The following CTNNA3 variants were observed in gnomAD, a reference collection of about 807,000 sequenced individuals.
CTNNA3 encodes catenin alpha-3.
In CTNNA3, 76 loss-of-function variants were observed where a neutral mutation model predicts 95.7. The ratio of observed to expected loss-of-function variants is 0.79; its 90% CI spans 0.66 to 0.96. The LOEUF (loss-of-function observed/expected upper bound fraction) is 0.96, where lower values mean the gene tolerates loss of function less well. Ranked by LOEUF, CTNNA3 falls within the 40% of genes least tolerant of loss-of-function variation. The pLI is 0.00. For synonymous variants in CTNNA3, 431 were observed against 374.4 expected, an observed-to-expected ratio of 1.15 and a Z score of -1.74; for missense variants, 1,191 against 1,089.8, an observed-to-expected ratio of 1.09 and a Z score of -1.31.
intron 1 of CTNNA3, among the ~76,000 whole-genome samples, chr10:67,671,529 T>G (rs867997456): frequency 2.1e-5 from 3 of 144,832 alleles, no homozygotes; most frequent in Middle Eastern, 3.2e-3. Context: ...CCCACAACAG[T>G]CCCTGAAGTG....
intron 10 of CTNNA3, among the ~76,000 whole-genome samples, chr10:66,605,832 C>A (rs1227275196): frequency 6.6e-6 from 1 of 152,130 alleles, no homozygotes; most frequent in African/African-American, 2.4e-5. Flanking sequence ...AAGACTGTTA[C>A]CAGCCACTAC....
At chr10:66,290,545 A>G (rs1454756083) in intron 12 of CTNNA3, among the ~76,000 whole-genome samples, 1 of 152,106 alleles carries the variant, frequency 6.6e-6, no homozygotes, top group East Asian at 1.9e-4. Context: ...TATTTATGTT[A>G]TTGGTTATTA....
chr10:66,791,353 G>C (rs1840959253), intron 7 of CTNNA3, among the ~76,000 whole-genome samples: 1 of 152,068 alleles, frequency 6.6e-6, no homozygotes, highest in Non-Finnish European at 1.5e-5. Context: ...AACCATTATG[G>C]CTTTCCAGAT....
intron 7 of CTNNA3, among the ~76,000 whole-genome samples, chr10:66,835,928 T>A (rs1402180493): frequency 6.6e-6 from 1 of 152,028 alleles, no homozygotes; most frequent in Non-Finnish European, 1.5e-5. Flanking sequence ...TCTAACAAGC[T>A]CCTAGGTGAT....
intron 7 of CTNNA3, among the ~76,000 whole-genome samples, chr10:67,018,992 A>G (rs1240673792): frequency 6.6e-6 from 1 of 152,236 alleles, no homozygotes; most frequent in Non-Finnish European, 1.5e-5. Flanking sequence ...TTATTAGATC[A>G]TAAGTATCTT....
At position 66,407,764 on chromosome 10, in the gene CTNNA3, A is replaced by G. The variant is rs751934243; in HGVS notation, c.1532-28412T>C. On this transcript the variant is annotated intron_variant, in intron 11 of 17. Coordinates refer to ENST00000433211, the MANE Select transcript of CTNNA3 (RefSeq NM_013266.4). The stretch of plus-strand genomic sequence containing the variant: ...CTTGGCTAATTTTTGTATTTTTAAT[A>G]GAGACGGGGTTTCACCATCTTGGCC... Among the ~76,000 whole-genome samples the G allele has an allele frequency of 2.6e-5, 4 of 152,118 alleles. No homozygotes were observed. In the South Asian group the frequency reaches 8.3e-4, roughly 32 times the overall value.
chr10:66,708,138 C>T (rs578162707), intron 9 of CTNNA3, among the ~76,000 whole-genome samples: 2 of 151,976 alleles, frequency 1.3e-5, no homozygotes, highest in African/African-American at 4.8e-5. Context: ...AACACATCAA[C>T]TCTGGCAAGA....
chr10:67,112,647 G>T (rs544287761), intron 7 of CTNNA3, among the ~76,000 whole-genome samples: 1 of 150,908 alleles, frequency 6.6e-6, no homozygotes, highest in African/African-American at 2.4e-5. Flanking sequence ...AAATTTCAGA[G>T]CAGAGAGGAA....
intron 9 of CTNNA3, among the ~76,000 whole-genome samples, chr10:66,749,299 T>A (rs1160015128): frequency 6.6e-6 from 1 of 150,520 alleles, no homozygotes; most frequent in African/African-American, 2.5e-5. Context: ...AATAATAACA[T>A]GTATCCACCG....
At chr10:66,439,646 A>G (rs2093362482) in intron 11 of CTNNA3, among the ~76,000 whole-genome samples, 1 of 152,228 alleles carries the variant, frequency 6.6e-6, no homozygotes, top group Admixed American at 6.5e-5. Context: ...AGACTATTTC[A>G]GAGGAATATC....
At chr10:67,144,492 T>C (rs1860749153) in intron 7 of CTNNA3, among the ~76,000 whole-genome samples, 1 of 152,252 alleles carries the variant, frequency 6.6e-6, no homozygotes, top group Non-Finnish European at 1.5e-5. Flanking sequence ...TGTAGTTTAG[T>C]GTAGCCACCT....
At chr10:67,052,875 G>C (rs1179579751) in intron 7 of CTNNA3, among the ~76,000 whole-genome samples, 1 of 152,082 alleles carries the variant, frequency 6.6e-6, no homozygotes. Context: ...CTAAATGTAA[G>C]TTTCGTAAAT....
intron 1 of CTNNA3, among the ~76,000 whole-genome samples, chr10:67,719,037 T>C (rs1193592320): frequency 1.3e-5 from 2 of 152,142 alleles, no homozygotes; most frequent in African/African-American, 4.8e-5. Flanking sequence ...CTTGGGAGGG[T>C]GTATGTGTCC....
intron 7 of CTNNA3, chr10:66,926,850 C>A: frequency 7.8e-7 from 1 of 1,281,840 alleles, no homozygotes. Flanking sequence ...AAAATATATG[C>A]CTATTTTTGC....
rs1052790031 is a variant in CTNNA3, at chr10:66,131,346, C to T, written c.1885-28097G>A. On this transcript the variant is annotated intron_variant, in intron 13 of 17. Coordinates refer to ENST00000433211, the MANE Select transcript of CTNNA3 (RefSeq NM_013266.4). ...AAATACCAGCAAAAATCCAGCAACA[C>T]GTCAAAAAACTAACCCACCACAATC... Among the ~76,000 whole-genome samples the T allele has an allele frequency of 6.6e-5, 10 of 152,232 alleles. No homozygotes were observed. In the South Asian group the frequency reaches 1.7e-3, roughly 25 times the overall value.
chr10:66,655,158 T>C (rs911146236), intron 9 of CTNNA3, among the ~76,000 whole-genome samples: 1 of 152,084 alleles, frequency 6.6e-6, no homozygotes, highest in Non-Finnish European at 1.5e-5. Flanking sequence ...CTTTCCACAA[T>C]GTATACATAT....
At chr10:66,218,911 T>A (rs1017703698) in intron 13 of CTNNA3, among the ~76,000 whole-genome samples, 1 of 152,172 alleles carries the variant, frequency 6.6e-6, no homozygotes, top group African/African-American at 2.4e-5. Context: ...ATCAAGAAAC[T>A]TCCAAATTTT....
At chr10:66,369,014 T>C (rs946602605) in intron 12 of CTNNA3, among the ~76,000 whole-genome samples, 1 of 152,190 alleles carries the variant, frequency 6.6e-6, no homozygotes, top group African/African-American at 2.4e-5. Flanking sequence ...TATAAATTGT[T>C]CATTTAACTT....
At chr10:67,688,245 C>A (rs989666129) in intron 1 of CTNNA3, among the ~76,000 whole-genome samples, 1 of 152,070 alleles carries the variant, frequency 6.6e-6, no homozygotes, top group Non-Finnish European at 1.5e-5. Context: ...TTCCCCTCCC[C>A]CTACAGCTTG....
Sources: gnomAD v4.1 joint callset for allele counts (sites outside exome capture counted in the v4.1 genomes callset) on GRCh38, gnomAD v4.1.1 for gene constraint, MANE v1.5 for transcripts, NCBI Gene and HGNC (gene_info 2026-07-23, HGNC 2026-07-21) for gene names.